The following PAX5 variants were observed in gnomAD, a reference collection of about 807,000 sequenced individuals.
PAX5 encodes paired box protein Pax-5.
PAX5 carries 9 observed loss-of-function variants against 43.7 expected under a neutral mutation model. The observed-to-expected ratio is 0.21, with a 90% CI of 0.12 to 0.36. PAX5 has a LOEUF of 0.36. Among genes scored for constraint, PAX5 ranks in the 10% least tolerant of loss-of-function variants. The pLI is 1.00. For synonymous variants in PAX5, 228 were observed against 214.3 expected (o/e 1.06, Z -0.56); for missense variants, 383 against 532.7 (o/e 0.72, Z 2.77).
At chr9:36,889,772 C>A (rs1827211916) in intron 7 of PAX5, among the ~76,000 whole-genome samples, 1 of 152,238 alleles carries the variant, frequency 6.6e-6, no homozygotes, top group African/African-American at 2.4e-5. Context: ...ATTGGGTCTG[C>A]TCTTCTGAAG....
chr9:36,994,126 C>G (rs1837186646), intron 5 of PAX5, among the ~76,000 whole-genome samples: 1 of 152,164 alleles, frequency 6.6e-6, no homozygotes. Context: ...GGGAAAGGCC[C>G]CAGGAGCCCC....
intron 5 of PAX5, among the ~76,000 whole-genome samples, chr9:36,973,728 G>A (rs1835177142): frequency 6.6e-6 from 1 of 152,124 alleles, no homozygotes; most frequent in African/African-American, 2.4e-5. Context: ...AAAAATGGCT[G>A]GGCATGGTGG....
chr9:36,928,999 A>C (rs918440769), intron 6 of PAX5, among the ~76,000 whole-genome samples: 17 of 152,224 alleles, frequency 1.1e-4, no homozygotes, highest in African/African-American at 4.1e-4. Context: ...TTTGACTGCC[A>C]GGAAACTCGG....
intron 5 of PAX5, among the ~76,000 whole-genome samples, chr9:36,999,387 C>T (rs1442038470): frequency 6.6e-6 from 1 of 152,218 alleles, no homozygotes; most frequent in East Asian, 1.9e-4. Context: ...TGTCACCTCA[C>T]CCACTGCCCT....
chr9:37,018,953 G>C (rs1200806851), intron 2 of PAX5, among the ~76,000 whole-genome samples: 3 of 152,118 alleles, frequency 2.0e-5, no homozygotes, highest in Non-Finnish European at 4.4e-5. Flanking sequence ...CTTGCCCTGG[G>C]ATTTCAAACA....
At chr9:36,954,051 G>A (rs934659280) in intron 6 of PAX5, among the ~76,000 whole-genome samples, 1 of 152,150 alleles carries the variant, frequency 6.6e-6, no homozygotes, top group African/African-American at 2.4e-5. Flanking sequence ...CAGCTTGGGT[G>A]ACAGAGCAAG....
In PAX5 at chr9:36,885,253, G is replaced by T. The variant is rs567807447; in HGVS notation, c.911-3148C>A. Among the ~76,000 whole-genome samples, 109 of 152,274 alleles carry T rather than the reference G, an allele frequency of 7.2e-4. 2 individuals carry two copies. The highest frequency in any genetic ancestry group is 1.5e-3 in the Admixed American group (23 of 15,304). On this transcript the variant is annotated intron_variant, in intron 7 of 9. Coordinates refer to ENST00000358127, the MANE Select transcript of PAX5 (RefSeq NM_016734.3). ...TTCCCAGCATAAACCTGATGACACT[G>T]TGTGGGGAGGTCTCGGGGAGGCTGC...
chr9:36,977,478 G>T (rs992445775), intron 5 of PAX5, among the ~76,000 whole-genome samples: 64 of 152,182 alleles, frequency 4.2e-4, no homozygotes, highest in African/African-American at 1.3e-3. Context: ...GCCCAAGAAA[G>T]GCCCCCTGTA....
intron 7 of PAX5, 76 bp downstream of exon 7, chr9:36,923,279 A>T (rs1319951620): frequency 1.3e-6 from 2 of 1,530,168 alleles, no homozygotes; most frequent in Admixed American, 3.8e-5. Flanking sequence ...ACACACCAAG[A>T]AGCCACTCTT....
At chr9:36,993,710 G>A (rs142954836) in intron 5 of PAX5, among the ~76,000 whole-genome samples, 2 of 152,194 alleles carry the variant, frequency 1.3e-5, no homozygotes, top group African/African-American at 4.8e-5. Flanking sequence ...ATGCAGGGTG[G>A]AGAAAGCCAA....
chr9:36,960,037 T>C (rs574530252), intron 6 of PAX5, among the ~76,000 whole-genome samples: 81 of 152,330 alleles, frequency 5.3e-4, no homozygotes, highest in African/African-American at 1.9e-3. Context: ...CAGCAATTAC[T>C]ACAGCAATCA....
chr9:37,033,219 C>T (rs1202765412), intron 1 of PAX5, among the ~76,000 whole-genome samples: 1 of 152,272 alleles, frequency 6.6e-6, no homozygotes, highest in African/African-American at 2.4e-5. Flanking sequence ...CCTGAATTCA[C>T]ACCTTCATTC....
At chr9:37,022,691 C>T (rs1839956427) in intron 1 of PAX5, among the ~76,000 whole-genome samples, 1 of 152,200 alleles carries the variant, frequency 6.6e-6, no homozygotes, top group African/African-American at 2.4e-5. Flanking sequence ...CATTTATGAG[C>T]ACTGGGGGCT....
intron 5 of PAX5, among the ~76,000 whole-genome samples, chr9:36,976,852 C>A (rs753649948): frequency 6.6e-6 from 1 of 152,152 alleles, no homozygotes; most frequent in East Asian, 1.9e-4. Flanking sequence ...GGATGGCAAA[C>A]GGGAGGCCAG....
chr9:37,030,053 A>G (rs756644131), intron 1 of PAX5, among the ~76,000 whole-genome samples: 1 of 152,212 alleles, frequency 6.6e-6, no homozygotes, highest in Non-Finnish European at 1.5e-5. Context: ...TGAGGCTTGC[A>G]TAGAATCCCC....
chr9:36,912,213 A>C (rs1344151150), intron 7 of PAX5, among the ~76,000 whole-genome samples: 2 of 152,040 alleles, frequency 1.3e-5, no homozygotes, highest in Non-Finnish European at 2.9e-5. Context: ...GAGATAAGGG[A>C]CTCTGGACAA....
chr9:36,888,873 C>G (rs973591158), intron 7 of PAX5, among the ~76,000 whole-genome samples: 1 of 152,192 alleles, frequency 6.6e-6, no homozygotes, highest in East Asian at 1.9e-4. Flanking sequence ...CAAATCTAGG[C>G]CCCTGAGCCT....
chr9:37,030,767 G>T (rs1039449152), intron 1 of PAX5, among the ~76,000 whole-genome samples: 5 of 152,162 alleles, frequency 3.3e-5, no homozygotes, highest in African/African-American at 9.7e-5. Context: ...GCCTCCCAGC[G>T]CACTGCATTA....
chr9:37,025,400 G>C (rs538632352), intron 1 of PAX5, among the ~76,000 whole-genome samples: 1 of 152,018 alleles, frequency 6.6e-6, no homozygotes, highest in Non-Finnish European at 1.5e-5. Context: ...GGCTAGGAAA[G>C]CTGGATCCCA....
Sources: allele counts gnomAD v4.1 joint callset (sites outside exome capture counted in the v4.1 genomes callset), GRCh38; gene constraint gnomAD v4.1.1; transcripts MANE v1.5; gene names NCBI Gene and HGNC (gene_info 2026-07-23, HGNC 2026-07-21).